Variants in SUCLA2 observed in about 807,000 individuals in gnomAD.
The protein encoded by SUCLA2 is succinate-CoA ligase ADP-forming subunit beta.
Under a neutral mutation model 54.8 loss-of-function variants are expected in SUCLA2, and 30 were observed. The observed-to-expected ratio is 0.55, with a 90% confidence interval of 0.41 to 0.74. The LOEUF (loss-of-function observed/expected upper bound fraction) is 0.74, where lower values mean the gene tolerates loss of function less well. Among genes scored for constraint, SUCLA2 ranks in the 30% least tolerant of loss-of-function variants. The probability of loss-of-function intolerance (pLI) is 0.00; values close to 1 mark genes in which losing one functional copy is unlikely to be tolerated. For missense variants in SUCLA2, 476 were observed against 562.9 expected (o/e 0.85, Z 1.56); for synonymous variants, 172 against 188.9 (o/e 0.91, Z 0.74).
chr13:47,948,190 G>A (rs1392836449), intron 10 of SUCLA2, among the ~76,000 whole-genome samples: 1 of 152,130 alleles, frequency 6.6e-6, no homozygotes, highest in Non-Finnish European at 1.5e-5. Context: ...GAGGAAGTAA[G>A]AATACAGACA....
At chr13:47,968,519 T>C in intron 6 of SUCLA2, 76 bp downstream of exon 6, 7 of 1,563,814 alleles carry the variant, frequency 4.5e-6, no homozygotes, top group African/African-American at 1.4e-5. Flanking sequence ...CTTTAACTTC[T>C]ATGATTTAAC....
At chr13:48,000,808 C>G (rs1950224062) in intron 1 of SUCLA2, 1 of 1,062,796 alleles carries the variant, frequency 9.4e-7, no homozygotes, top group Non-Finnish European at 1.2e-6. Context: ...GCATTCCCCC[C>G]TGCCCAAAAA....
intron 10 of SUCLA2, among the ~76,000 whole-genome samples, chr13:47,944,563 A>G (rs1014063370): frequency 3.9e-5 from 6 of 152,270 alleles, no homozygotes; most frequent in South Asian, 2.1e-4. Context: ...ACCTTTTCTC[A>G]TATCTAAGTA....
intron 6 of SUCLA2, among the ~76,000 whole-genome samples, chr13:47,961,213 A>C (rs1949868588): frequency 6.6e-6 from 1 of 152,174 alleles, no homozygotes; most frequent in Admixed American, 6.5e-5. Context: ...TTTGAACAAA[A>C]TGTTTGTGTA....
At chr13:47,981,971 C>T (rs1424937196) in intron 4 of SUCLA2, among the ~76,000 whole-genome samples, 1 of 152,072 alleles carries the variant, frequency 6.6e-6, no homozygotes, top group African/African-American at 2.4e-5. Context: ...GGAGACATAG[C>T]GAGACTCTGT....
intron 6 of SUCLA2, among the ~76,000 whole-genome samples, chr13:47,961,282 G>GT (rs1949869089): frequency 6.6e-6 from 1 of 152,154 alleles, no homozygotes; most frequent in Non-Finnish European, 1.5e-5. Flanking sequence ...AGAAAATGGA[G>GT]TGGGGGGGGC....
chr13:48,001,201 C>T lies in SUCLA2; in HGVS notation c.69G>A (p.Thr23=), dbSNP rs1324777274. 2.5e-6 allele frequency: 4 copies of T among 1,609,500 alleles called. No homozygotes were observed. In the African/African-American group the frequency reaches 4.0e-5, roughly 16 times the overall value. The change falls in exon 1 of 11, where the codon ACG becomes ACA. Residue 23 remains threonine (T), a synonymous_variant. Coordinates refer to ENST00000646932, the MANE Select transcript of SUCLA2 (RefSeq NM_003850.3). ...TTACCTGAGCAGCAGCCCGCTGGGC[C>T]GTCCGAGGCCGGTGGTTCCGAAGGG... ...VATLRNHRPR[T]AQRAAAQVLG...
intron 2 of SUCLA2, among the ~76,000 whole-genome samples, chr13:47,992,827 T>G (rs1440685100): frequency 6.6e-6 from 1 of 152,252 alleles, no homozygotes; most frequent in Admixed American, 6.5e-5. Context: ...CTGACATTCA[T>G]TAATCAGCAC....
intron 8 of SUCLA2, among the ~76,000 whole-genome samples, chr13:47,951,983 C>A (rs1391544045): frequency 1.0e-5 from 1 of 99,530 alleles, no homozygotes; most frequent in Non-Finnish European, 2.2e-5. Context: ...CCCTTCCATG[C>A]CTTTGTAAAA....
Position 47,954,140 on chromosome 13 carries a change from C to CT in SUCLA2, c.1106dup (p.Val370GlyfsTer16), listed in dbSNP as rs761484877. On this transcript the variant is annotated frameshift_variant and splice_region_variant, in exon 8 of 11. Transcript: ENST00000646932. LOFTEE classifies it high-confidence loss of function. ...AAAATATATCAAGCCCTGCCCTTAC[C>CT]TTTTTATCTGAAGTGATAAGCTTAA... 7 of 1,612,730 alleles carry CT rather than the reference C, an allele frequency of 4.3e-6. No homozygotes were observed. The highest frequency in any genetic ancestry group is 5.1e-6 in the Non-Finnish European group (6 of 1,179,312).
intron 1 of SUCLA2, 22 bp from the exon 2 acceptor site, chr13:47,997,045 TTA>T (rs1428918431): frequency 1.2e-6 from 2 of 1,613,740 alleles, no homozygotes; most frequent in East Asian, 2.2e-5. Flanking sequence ...GGGGACATAT[TTA>T]TATATGACAG....
At chr13:47,976,507 T>G (rs1173498538) in intron 4 of SUCLA2, among the ~76,000 whole-genome samples, 1 of 152,170 alleles carries the variant, frequency 6.6e-6, no homozygotes, top group South Asian at 2.1e-4. Flanking sequence ...TCAACTGATA[T>G]GGGTGCTGAT....
chr13:47,981,355 T>C (rs988386955), intron 4 of SUCLA2, among the ~76,000 whole-genome samples: 3 of 152,110 alleles, frequency 2.0e-5, no homozygotes, highest in African/African-American at 7.2e-5. Context: ...TGTAAGCATA[T>C]GAAAAGATAC....
chr13:47,990,815 G>C (rs1950144074), intron 2 of SUCLA2, among the ~76,000 whole-genome samples: 1 of 152,110 alleles, frequency 6.6e-6, no homozygotes, highest in Admixed American at 6.6e-5. Context: ...GGTAGGAAAT[G>C]GAGTTTGAAA....
At chr13:47,985,083 C>T (rs1372899434) in intron 4 of SUCLA2, among the ~76,000 whole-genome samples, 4 of 152,134 alleles carry the variant, frequency 2.6e-5, no homozygotes, top group African/African-American at 7.2e-5. Context: ...TTCTGGCAAG[C>T]CAACCCCATA....
At chr13:47,995,444 A>C (rs1360668354) in intron 2 of SUCLA2, among the ~76,000 whole-genome samples, 1 of 152,170 alleles carries the variant, frequency 6.6e-6, no homozygotes, top group Non-Finnish European at 1.5e-5. Flanking sequence ...ACTATAAATG[A>C]AAAATCATGC....
chr13:47,944,888 C>T (rs1949717108), intron 10 of SUCLA2, among the ~76,000 whole-genome samples: 3 of 151,890 alleles, frequency 2.0e-5, no homozygotes, highest in African/African-American at 4.8e-5. Flanking sequence ...TTTGGAAGGC[C>T]GAGGTGGGAG....
intron 6 of SUCLA2, among the ~76,000 whole-genome samples, chr13:47,965,848 A>T (rs1593486979): frequency 6.6e-6 from 1 of 152,218 alleles, no homozygotes; most frequent in Non-Finnish European, 1.5e-5. Flanking sequence ...GGAGATCAAG[A>T]CCATCCTGGC....
rs926153823 is a variant in SUCLA2 at position 47,943,422 on chromosome 13, C to G, written c.1341G>C (p.Val447=). 1 of 1,613,730 alleles carries G rather than the reference C, an allele frequency of 6.2e-7. No homozygotes were observed. Among genetic ancestry groups the G allele is most frequent in the African/African-American group, 1.3e-5 (1 of 74,896 alleles). ...CCACATGTGCTTGCTTCGCTAAGGT[C>G]ACTATTTCAGAGAGCTTTACAACCT... ...ARMVVKLSEI[V]TLAKQAHVDV... is the part of the protein sequence containing the mutation. Residue 447 remains valine, a synonymous_variant, in exon 11 of 11, where the codon GTG becomes GTC. Transcript: ENST00000646932.
Sources: gnomAD v4.1 joint callset for allele counts (sites outside exome capture counted in the v4.1 genomes callset) on GRCh38, gnomAD v4.1.1 for gene constraint, MANE v1.5 for transcripts, NCBI Gene and HGNC (gene_info 2026-07-23, HGNC 2026-07-21) for gene names.